Variants in ZNF277 observed in about 807,000 individuals in gnomAD.
ZNF277 encodes zinc finger protein 277.
A neutral mutation model predicts 60.7 loss-of-function variants in ZNF277; 55 were observed. That is an observed-to-expected ratio of 0.91 (90% CI 0.73 to 1.13). The LOEUF is 1.13. Ranked by LOEUF, ZNF277 falls within the 50% of genes most tolerant of loss-of-function variation. The pLI, the probability that ZNF277 is intolerant of heterozygous loss-of-function variation, is 0.00. For synonymous variants in ZNF277, 178 were observed against 179.3 expected (o/e 0.99, Z 0.06); for missense variants, 510 against 523.0 (o/e 0.98, Z 0.24).
chr7:112,321,040 GCCTC>G (rs1251012678), intron 5 of ZNF277, among the ~76,000 whole-genome samples: 1 of 148,520 alleles, frequency 6.7e-6, no homozygotes, highest in Non-Finnish European at 1.5e-5. Context: ...TTCTGCCTCA[GCCTC>G]CCGAGTAGCT....
intron 1 of ZNF277, among the ~76,000 whole-genome samples, chr7:112,221,482 T>A (rs535496316): frequency 2.6e-4 from 40 of 152,298 alleles, no homozygotes; most frequent in Non-Finnish European, 4.4e-4. Context: ...GAAGACAGTT[T>A]TTCCACAGAC....
At chr7:112,306,152 A>G (rs555579983) in intron 4 of ZNF277, among the ~76,000 whole-genome samples, 1 of 151,716 alleles carries the variant, frequency 6.6e-6, no homozygotes, top group African/African-American at 2.4e-5. Context: ...CCTAAATTCT[A>G]AACTGTTTTA....
chr7:112,262,656 T>A (rs1304784614), intron 1 of ZNF277, among the ~76,000 whole-genome samples: 4 of 152,128 alleles, frequency 2.6e-5, no homozygotes, highest in African/African-American at 9.6e-5. Context: ...GGCTACATAT[T>A]TTTAAGAAAA....
At chr7:112,208,673 G>GTTTTTTTTT (rs1407981050) in intron 1 of ZNF277, among the ~76,000 whole-genome samples, 3 of 56,812 alleles carry the variant, frequency 5.3e-5, no homozygotes, top group Non-Finnish European at 7.2e-5. Context: ...TGTATGATTT[G>GTTTTTTTTT]ATTTTTTTTT....
chr7:112,262,052 C>T (rs920365832), intron 1 of ZNF277, among the ~76,000 whole-genome samples: 9 of 151,948 alleles, frequency 5.9e-5, no homozygotes, highest in Admixed American at 5.3e-4. Flanking sequence ...TACTCATTTT[C>T]TATAGAAATT....
chr7:112,296,870 TTTA>T (rs1400408114), intron 4 of ZNF277, among the ~76,000 whole-genome samples: 2 of 147,762 alleles, frequency 1.4e-5, no homozygotes, highest in Non-Finnish European at 3.0e-5. Context: ...TTTATTTTAT[TTTA>T]TTTTCTTATT....
chr7:112,313,107 A>T (rs1254206540), intron 4 of ZNF277, among the ~76,000 whole-genome samples: 2 of 152,064 alleles, frequency 1.3e-5, no homozygotes, highest in South Asian at 2.1e-4. Flanking sequence ...AATATTTTTT[A>T]AAAAATGAAA....
At chr7:112,330,059 A>T in intron 6 of ZNF277, 25 bp from the exon 7 acceptor site, 1 of 1,596,290 alleles carries the variant, frequency 6.3e-7, no homozygotes, top group Non-Finnish European at 8.5e-7. Flanking sequence ...AGACTTGTTT[A>T]TCAGTGTTTG....
chr7:112,320,039 T>G (rs1011540420), intron 5 of ZNF277, among the ~76,000 whole-genome samples: 1 of 152,136 alleles, frequency 6.6e-6, no homozygotes, highest in Non-Finnish European at 1.5e-5. Flanking sequence ...CAGAGATCTC[T>G]CATATCGGCA....
In ZNF277 at chr7:112,328,773, G is replaced by A. The variant is rs559753522; in HGVS notation, c.668+946G>A. ...TAATCCCAGCTACTCAGGAGGCTGA[G>A]GCAGGAGAATCGCTTGAACCCGGGA... On this transcript the variant is annotated intron_variant, in intron 6 of 11. Coordinates refer to ENST00000361822, the MANE Select transcript of ZNF277 (RefSeq NM_021994.3). Among the ~76,000 whole-genome samples the A allele has an allele frequency of 7.9e-5, 12 of 152,248 alleles. No individual in the cohort carries two copies. The South Asian group carries it at 1.5e-3, about 18-fold the overall frequency.
intron 1 of ZNF277, among the ~76,000 whole-genome samples, chr7:112,280,918 G>C (rs921293416): frequency 5.9e-5 from 9 of 152,058 alleles, no homozygotes; most frequent in African/African-American, 1.9e-4. Flanking sequence ...ATGAGCCACC[G>C]CGCCCAGCCC....
At chr7:112,334,236 G>C (rs1216482976) in intron 7 of ZNF277, among the ~76,000 whole-genome samples, 2 of 151,864 alleles carry the variant, frequency 1.3e-5, no homozygotes. Flanking sequence ...TTTTTTCCAT[G>C]TTTTTTTCCA....
At chr7:112,210,120 C>T (rs1379503078) in intron 1 of ZNF277, among the ~76,000 whole-genome samples, 1 of 152,068 alleles carries the variant, frequency 6.6e-6, no homozygotes, top group Non-Finnish European at 1.5e-5. Flanking sequence ...AAGTTGTGCA[C>T]ATGTACCCTG....
intron 1 of ZNF277, among the ~76,000 whole-genome samples, chr7:112,273,524 T>G (rs1791728039): frequency 6.6e-6 from 1 of 152,240 alleles, no homozygotes; most frequent in African/African-American, 2.4e-5. Context: ...GTACTGTGAC[T>G]GCTCACCTGA....
In ZNF277 at chr7:112,318,288, A is replaced by G. The variant is rs1337161891; in HGVS notation, c.557+15A>G. On this transcript the variant is annotated intron_variant, in intron 5 of 11. Transcript: ENST00000361822. Reference sequence around the variant, plus strand: ...CTTGGAAACAGGTTTGCCATTTTGCATCTTTAAATGTTACTGTTTTTAATC... The same window carrying G: ...CTTGGAAACAGGTTTGCCATTTTGCGTCTTTAAATGTTACTGTTTTTAATC... The G allele has an allele frequency of 1.9e-6, 3 of 1,601,780 alleles. No individual in the cohort carries two copies. The highest frequency in any genetic ancestry group is 1.3e-5 in the African/African-American group (1 of 74,660).
intron 4 of ZNF277, among the ~76,000 whole-genome samples, chr7:112,300,459 G>A (rs965725617): frequency 6.6e-6 from 1 of 152,036 alleles, no homozygotes. Flanking sequence ...TTGTCCAGTG[G>A]TTCTTTTCCC....
chr7:112,315,370 G>A (rs937971369), intron 4 of ZNF277, among the ~76,000 whole-genome samples: 1 of 152,060 alleles, frequency 6.6e-6, no homozygotes, highest in African/African-American at 2.4e-5. Context: ...ATGTAGAGGA[G>A]GTGTAGATGG....
chr7:112,242,568 AAAAAAC>A (rs1487734983), intron 1 of ZNF277, among the ~76,000 whole-genome samples: 5 of 136,054 alleles, frequency 3.7e-5, no homozygotes, highest in Non-Finnish European at 6.4e-5. Context: ...AAAAAAAAAA[AAAAAAC>A]AAAATAAAAT....
chr7:112,274,055 A>G (rs1791740307), intron 1 of ZNF277, among the ~76,000 whole-genome samples: 1 of 151,264 alleles, frequency 6.6e-6, no homozygotes. Context: ...ATATATATAT[A>G]TATATCTTGT....
Sources: gnomAD v4.1 joint callset for allele counts (sites outside exome capture counted in the v4.1 genomes callset) on GRCh38, gnomAD v4.1.1 for gene constraint, MANE v1.5 for transcripts, NCBI Gene and HGNC (gene_info 2026-07-23, HGNC 2026-07-21) for gene names.